The following GNB4 variants were observed in gnomAD, a reference collection of about 807,000 sequenced individuals.
GNB4 encodes the protein guanine nucleotide-binding protein subunit beta-4.
Under a neutral mutation model 45.2 loss-of-function variants are expected in GNB4, and 28 were observed. That is an observed-to-expected ratio of 0.62 (90% CI 0.46 to 0.85). GNB4 has a LOEUF of 0.85. Ranked by LOEUF, GNB4 falls within the 40% of genes least tolerant of loss-of-function variation. The pLI is 0.00. For synonymous variants in GNB4, 132 were observed against 143.7 expected (o/e 0.92, Z 0.58); for missense variants, 321 against 425.4 (o/e 0.75, Z 2.16).
At position 179,399,767 on chromosome 3, in the gene GNB4, A is replaced by G. The variant is rs1714230585; in HGVS notation, c.*1446T>C. The G allele has an allele frequency of 6.6e-6, 1 of 152,368 alleles. No individual in the cohort carries two copies. The highest frequency in any genetic ancestry group is 6.5e-5 in the Admixed American group (1 of 15,304). The allele number at this position is 152,368 out of a possible 1,614,324, so 9.4% of individuals were successfully genotyped here. On this transcript the variant is annotated 3_prime_UTR_variant, in exon 10 of 10. Transcript: ENST00000232564. ...CAAAAGTTAACACAGACCTATCTGAAAAGTAACTAAGTTACAAAACAATGC... is the reference window on the plus strand; with the variant it reads ...CAAAAGTTAACACAGACCTATCTGAGAAGTAACTAAGTTACAAAACAATGC...
chr3:179,418,337 G>T (rs1223845674), intron 4 of GNB4, among the ~76,000 whole-genome samples: 1 of 151,808 alleles, frequency 6.6e-6, no homozygotes, highest in East Asian at 1.9e-4. Flanking sequence ...AGGCGTGGTT[G>T]TGGATGTCTG....
the GNB4 span, among the ~76,000 whole-genome samples, chr3:179,514,086 A>C: frequency 7.2e-5 from 11 of 152,254 alleles, no homozygotes; most frequent in Non-Finnish European, 1.6e-4. Flanking sequence ...AGGAATGCAT[A>C]GCAGAGTTGA....
At chr3:179,513,336 G>A in the GNB4 span, among the ~76,000 whole-genome samples, 3 of 151,464 alleles carry the variant, frequency 2.0e-5, no homozygotes, top group African/African-American at 4.9e-5. Context: ...GATGTGTGCC[G>A]CCACCTCGGT....
Position 179,424,365 on chromosome 3 carries a change from C to T in GNB4, c.57+1779G>A, listed in dbSNP as rs964750466. Among the ~76,000 whole-genome samples the T allele has an allele frequency of 1.7e-4, 26 of 152,158 alleles. 1 individual carries two copies. The highest frequency in any genetic ancestry group is 4.3e-4 in the African/African-American group (18 of 41,434). ...AACATCGAATTCAGAGATGAGTCTG[C>T]GAAGCCTTCTGTGATTATCCCAGGC... is the stretch of plus-strand genomic sequence containing the variant. On this transcript the variant is annotated intron_variant, in intron 2 of 9. Coordinates refer to ENST00000232564, the MANE Select transcript of GNB4 (RefSeq NM_021629.4).
chr3:179,487,672 T>C, the GNB4 span, among the ~76,000 whole-genome samples: 2 of 152,202 alleles, frequency 1.3e-5, no homozygotes, highest in Non-Finnish European at 2.9e-5. Flanking sequence ...ATGTTCTAAC[T>C]GCCACAAGGT....
chr3:179,501,298 ATTT>A, the GNB4 span, among the ~76,000 whole-genome samples: 347 of 131,186 alleles, frequency 2.6e-3, 1 homozygote, highest in East Asian at 0.017. Context: ...AATTGCCTAC[ATTT>A]TTTTTTTTTT....
intron 1 of GNB4, among the ~76,000 whole-genome samples, chr3:179,437,493 A>G (rs1715484314): frequency 6.6e-6 from 1 of 151,982 alleles, no homozygotes; most frequent in African/African-American, 2.4e-5. Flanking sequence ...TGAACATGGG[A>G]GGCGTAGGTT....
chr3:179,475,481 T>C, the GNB4 span, among the ~76,000 whole-genome samples: 1 of 151,930 alleles, frequency 6.6e-6, no homozygotes, highest in Non-Finnish European at 1.5e-5. Context: ...TATTTGTTTA[T>C]TTACTTTTTT....
the GNB4 span, among the ~76,000 whole-genome samples, chr3:179,504,643 A>C: frequency 6.6e-6 from 1 of 152,208 alleles, no homozygotes; most frequent in Non-Finnish European, 1.5e-5. Context: ...ACTTGCTCCC[A>C]GATAAGACTA....
intron 1 of GNB4, 147 bp downstream of exon 1, chr3:179,451,199 G>A (rs955537526): frequency 1.4e-4 from 21 of 151,638 alleles, no homozygotes; most frequent in Admixed American, 2.6e-4. Flanking sequence ...TCGGCCGCCC[G>A]AGCCCGGGGA....
intron 1 of GNB4, among the ~76,000 whole-genome samples, chr3:179,434,470 C>G (rs1559979180): frequency 1.3e-5 from 2 of 152,118 alleles, no homozygotes; most frequent in African/African-American, 4.8e-5. Context: ...CCTGTAATCT[C>G]AGAGCTTTGA....
At chr3:179,443,729 C>T (rs1349269782) in intron 1 of GNB4, among the ~76,000 whole-genome samples, 1 of 152,148 alleles carries the variant, frequency 6.6e-6, no homozygotes. Context: ...ATATCCATCT[C>T]TGCTACCTCA....
intron 1 of GNB4, among the ~76,000 whole-genome samples, chr3:179,432,728 A>G (rs1577036685): frequency 1.3e-5 from 2 of 152,224 alleles, no homozygotes; most frequent in South Asian, 4.1e-4. Context: ...TGTTTATCAG[A>G]AGCATGCGTA....
At chr3:179,436,866 T>C (rs1311494483) in intron 1 of GNB4, among the ~76,000 whole-genome samples, 5 of 152,324 alleles carry the variant, frequency 3.3e-5, no homozygotes, top group Admixed American at 3.3e-4. Context: ...AGTAAAACAA[T>C]TCAACCCCTT....
chr3:179,482,685 C>T, the GNB4 span, among the ~76,000 whole-genome samples: 1 of 152,178 alleles, frequency 6.6e-6, no homozygotes, highest in African/African-American at 2.4e-5. Context: ...TGCAGTTAAT[C>T]TTCACTACTG....
rs1263158256 is a variant in GNB4, at chr3:179,397,366, A to T, written c.*3847T>A. 1 of 152,238 alleles carries T rather than the reference A, an allele frequency of 6.6e-6. No homozygotes were observed. The highest frequency in any genetic ancestry group is 1.5e-5 in the Non-Finnish European group (1 of 68,046). The allele number at this position is 152,238 out of a possible 1,614,324, so 9.4% of individuals were successfully genotyped here. On this transcript the variant is annotated 3_prime_UTR_variant, in exon 10 of 10. Transcript: ENST00000232564. Reference sequence around the variant, plus strand: ...ATTGGCACAGCATTTTTAAGCAATAATAAAAGTTTCATTTTGTCACCTTAA... The same window carrying T: ...ATTGGCACAGCATTTTTAAGCAATATTAAAAGTTTCATTTTGTCACCTTAA...
chr3:179,425,949 G>A (rs1282371802), intron 2 of GNB4, among the ~76,000 whole-genome samples, 195 bp downstream of exon 2: 1 of 152,088 alleles, frequency 6.6e-6, no homozygotes, highest in African/African-American at 2.4e-5. Flanking sequence ...GTACTTGTTC[G>A]CAATGAATTT....
intron 5 of GNB4, among the ~76,000 whole-genome samples, chr3:179,415,558 T>C (rs1212965703): frequency 1.3e-5 from 2 of 151,978 alleles, no homozygotes; most frequent in African/African-American, 2.4e-5. Flanking sequence ...CAAACAATGG[T>C]GATAGTTTTT....
chr3:179,429,046 C>T (rs146569476), intron 1 of GNB4, among the ~76,000 whole-genome samples: 147 of 152,322 alleles, frequency 9.7e-4, no homozygotes, highest in African/African-American at 3.3e-3. Flanking sequence ...GATGGGATGA[C>T]GGGTGAGGCA....
Sources: allele counts gnomAD v4.1 joint callset (sites outside exome capture counted in the v4.1 genomes callset), GRCh38; gene constraint gnomAD v4.1.1; transcripts MANE v1.5; gene names NCBI Gene and HGNC (gene_info 2026-07-23, HGNC 2026-07-21).